VEPH1: variants seen among roughly 807,000 people sequenced by gnomAD.
The protein encoded by VEPH1 is ventricular zone-expressed PH domain-containing protein homolog 1.
Under a neutral mutation model 85.2 loss-of-function variants are expected in VEPH1, and 80 were observed. That is an observed-to-expected ratio of 0.94 (90% CI 0.78 to 1.13). The LOEUF (loss-of-function observed/expected upper bound fraction) is 1.13. Ranked by LOEUF, VEPH1 falls within the 50% of genes most tolerant of loss-of-function variation. The probability of loss-of-function intolerance (pLI) is 0.00; values close to 1 mark genes in which losing one functional copy is unlikely to be tolerated. For synonymous variants in VEPH1, 297 were observed against 348.0 expected, an observed-to-expected ratio of 0.85 and a Z score of 1.63; for missense variants, 955 against 980.5, an observed-to-expected ratio of 0.97 and a Z score of 0.35.
Position 157,364,513 on chromosome 3 carries a change from C to A in VEPH1, c.1128-1G>T. ...TTCAATTTCAGTGCTGATTTTTCTCCTAAAGGAATATAAATCATTGCATTA... is the reference window on the plus strand; with the variant it reads ...TTCAATTTCAGTGCTGATTTTTCTCATAAAGGAATATAAATCATTGCATTA... On this transcript the variant is annotated splice_acceptor_variant, in intron 7 of 13. Coordinates refer to ENST00000362010, the MANE Select transcript of VEPH1 (RefSeq NM_001167912.2). LOFTEE classifies it high-confidence loss of function. 1 of 1,612,930 alleles carries A rather than the reference C, an allele frequency of 6.2e-7. No individual in the cohort carries two copies. Among genetic ancestry groups the A allele is most frequent in the Non-Finnish European group, 8.5e-7 (1 of 1,179,460 alleles).
chr3:157,344,069 G>T (rs371943918), intron 9 of VEPH1, among the ~76,000 whole-genome samples: 47 of 152,206 alleles, frequency 3.1e-4, no homozygotes, highest in Non-Finnish European at 3.7e-4. Flanking sequence ...ACAGCCAATA[G>T]CATACTGAAT....
intron 11 of VEPH1, among the ~76,000 whole-genome samples, chr3:157,289,113 A>G (rs537662375): frequency 1.3e-5 from 2 of 152,378 alleles, no homozygotes; most frequent in South Asian, 2.1e-4. Flanking sequence ...GCAGATGTTC[A>G]TAAGTATCAG....
intron 11 of VEPH1, among the ~76,000 whole-genome samples, chr3:157,299,631 C>CATT (rs375977711): frequency 2.9e-3 from 425 of 148,572 alleles, no homozygotes; most frequent in African/African-American, 0.01. Flanking sequence ...AGTCTCAAAA[C>CATT]ATTTACTGAG....
chr3:157,447,941 T>C (rs1007196010), intron 4 of VEPH1, among the ~76,000 whole-genome samples: 7 of 152,122 alleles, frequency 4.6e-5, no homozygotes, highest in South Asian at 2.1e-4. Context: ...AGATACTCAA[T>C]TGGTGATGAC....
At chr3:157,425,311 A>G (rs1732676770) in intron 5 of VEPH1, among the ~76,000 whole-genome samples, 2 of 152,224 alleles carry the variant, frequency 1.3e-5, no homozygotes, top group Admixed American at 1.3e-4. Flanking sequence ...TAGGGCTTTC[A>G]TGGAGAACCT....
At chr3:157,396,933 C>A (rs1341378880) in intron 6 of VEPH1, among the ~76,000 whole-genome samples, 2 of 152,076 alleles carry the variant, frequency 1.3e-5, no homozygotes, top group Non-Finnish European at 2.9e-5. Context: ...TGTGCAGAAG[C>A]TCTTTAATTA....
chr3:157,304,023 T>TATATATATATATATATATATATA (rs1553761055), intron 11 of VEPH1, among the ~76,000 whole-genome samples: 6 of 89,132 alleles, frequency 6.7e-5, no homozygotes, highest in African/African-American at 1.5e-4. Context: ...CTTATATTTT[T>TATATATATATATATATATATATA]TATATATATA....
rs1386895433 is a variant in VEPH1 at position 157,260,397 on chromosome 3, T to A, written c.*737A>T. The A allele has an allele frequency of 3.3e-5, 5 of 152,200 alleles. No individual in the cohort carries two copies. The highest frequency in any genetic ancestry group is 5.9e-5 in the Non-Finnish European group (4 of 68,024). The allele number at this position is 152,200 out of a possible 1,614,324, so 9.4% of individuals were successfully genotyped here. On this transcript the variant is annotated 3_prime_UTR_variant, in exon 14 of 14. Transcript: ENST00000362010. Reference sequence around the variant, plus strand: ...TCTTAATTTTAACGGAGATGGCACATTATTTTGAAGATAGAGAAAATGGCT... The same window carrying A: ...TCTTAATTTTAACGGAGATGGCACAATATTTTGAAGATAGAGAAAATGGCT...
chr3:157,473,869 C>G (rs1385071928), intron 2 of VEPH1, among the ~76,000 whole-genome samples: 1 of 151,896 alleles, frequency 6.6e-6, no homozygotes, highest in Non-Finnish European at 1.5e-5. Context: ...GCCTTTTTAG[C>G]ATTTATAGGT....
chr3:157,313,489 A>T, intron 11 of VEPH1, 132 bp downstream of exon 11: 1 of 1,086,560 alleles, frequency 9.2e-7, no homozygotes, highest in Non-Finnish European at 1.3e-6. Flanking sequence ...ATTTCTTACA[A>T]GTGTTTTATG....
Position 157,305,332 on chromosome 3 carries a change from G to A in VEPH1, c.2010+8289C>T, listed in dbSNP as rs990047024. Among the ~76,000 whole-genome samples the A allele has an allele frequency of 2.6e-5, 4 of 151,520 alleles. No individual in the cohort carries two copies. In the East Asian group the frequency reaches 7.8e-4, roughly 29 times the overall value. On this transcript the variant is annotated intron_variant, in intron 11 of 13. Transcript: ENST00000362010. Reference sequence around the variant, plus strand: ...CACCGTTTTTAGCCGGGATGGTCTCGATCTCCTGACCTCGTGATCCGCCCG... The same window carrying A: ...CACCGTTTTTAGCCGGGATGGTCTCAATCTCCTGACCTCGTGATCCGCCCG...
intron 1 of VEPH1, among the ~76,000 whole-genome samples, chr3:157,502,809 G>A (rs1430173259): frequency 1.3e-5 from 2 of 152,156 alleles, no homozygotes; most frequent in African/African-American, 4.8e-5. Context: ...AACGGCAGCA[G>A]CAACAAACAG....
chr3:157,443,864 C>T (rs1167362580), intron 4 of VEPH1, among the ~76,000 whole-genome samples: 1 of 152,186 alleles, frequency 6.6e-6, no homozygotes, highest in Non-Finnish European at 1.5e-5. Context: ...CTCTAGGACT[C>T]TTCCCATTTG....
At chr3:157,375,967 TC>T (rs1381845191) in intron 7 of VEPH1, among the ~76,000 whole-genome samples, 2 of 152,160 alleles carry the variant, frequency 1.3e-5, no homozygotes, top group Non-Finnish European at 2.9e-5. Flanking sequence ...AACTTCTTTT[TC>T]CCCCATGACT....
chr3:157,281,455 C>T (rs1021271308), intron 12 of VEPH1, among the ~76,000 whole-genome samples: 1 of 151,976 alleles, frequency 6.6e-6, no homozygotes, highest in Non-Finnish European at 1.5e-5. Flanking sequence ...ACACTTAGCA[C>T]GTAGGACAGT....
At chr3:157,420,250 T>A (rs1194461629) in intron 5 of VEPH1, among the ~76,000 whole-genome samples, 1 of 152,034 alleles carries the variant, frequency 6.6e-6, no homozygotes, top group Admixed American at 6.6e-5. Context: ...AGGTGATGGG[T>A]TGATCTGTGT....
chr3:157,261,518 T>A lies in VEPH1; in HGVS notation c.2266-148A>T, dbSNP rs533153358. 340 of 1,265,044 alleles carry A rather than the reference T, an allele frequency of 2.7e-4. 4 individuals carry two copies. The East Asian group carries it at 8.1e-3, about 30-fold the overall frequency. The allele number at this position is 1,265,044 out of a possible 1,614,324, so 78.4% of individuals were successfully genotyped here. A position where few individuals can be genotyped will look rare whatever the true frequency, so the allele number is the denominator to read the frequency against. ...TATTTTGGGTGCTAAGGCCTCAGAA[T>A]CATTAGAATAACTGAAGGAGTGAGC... On this transcript the variant is annotated intron_variant, in intron 13 of 13. Transcript: ENST00000362010.
At chr3:157,288,288 C>T (rs1259751118) in intron 11 of VEPH1, among the ~76,000 whole-genome samples, 1 of 152,196 alleles carries the variant, frequency 6.6e-6, no homozygotes, top group Non-Finnish European at 1.5e-5. Flanking sequence ...CTTTAGCCTA[C>T]ACACTCTTAT....
intron 11 of VEPH1, among the ~76,000 whole-genome samples, chr3:157,288,279 T>C (rs1479268455): frequency 2.0e-5 from 3 of 152,182 alleles, no homozygotes; most frequent in African/African-American, 7.2e-5. Flanking sequence ...TTTCCTTTCC[T>C]TTAGCCTACA....
Sources: allele counts gnomAD v4.1 joint callset (sites outside exome capture counted in the v4.1 genomes callset), GRCh38; gene constraint gnomAD v4.1.1; transcripts MANE v1.5; gene names NCBI Gene and HGNC (gene_info 2026-07-23, HGNC 2026-07-21).